Variants in TIAM1 observed in about 807,000 individuals in gnomAD.
The protein encoded by TIAM1 is TIAM Rac1 associated GEF 1, also known as rho guanine nucleotide exchange factor TIAM1.
Under a neutral mutation model 163.5 loss-of-function variants are expected in TIAM1, and 65 were observed. That is an observed-to-expected ratio of 0.40 (90% CI 0.33 to 0.49). TIAM1 has a LOEUF of 0.49. TIAM1 is among the 20% of genes least tolerant of loss of function. The probability of loss-of-function intolerance (pLI) is 0.77; values close to 1 mark genes in which losing one functional copy is unlikely to be tolerated. For synonymous variants in TIAM1, 833 were observed against 810.1 expected, an observed-to-expected ratio of 1.03 and a Z score of -0.48; for missense variants, 1,789 against 2,044.7, an observed-to-expected ratio of 0.87 and a Z score of 2.41.
At chr21:31,243,236 T>C (rs1601679136) in intron 6 of TIAM1, among the ~76,000 whole-genome samples, 2 of 144,176 alleles carry the variant, frequency 1.4e-5, no homozygotes, top group Non-Finnish European at 3.0e-5. Context: ...GTATATTTCA[T>C]ATATATGTAT....
chr21:31,351,794 G>A (rs1216895859), intron 2 of TIAM1, among the ~76,000 whole-genome samples: 2 of 150,832 alleles, frequency 1.3e-5, no homozygotes, highest in South Asian at 2.1e-4. Flanking sequence ...CTGGCAGGGC[G>A]TGGTGGCTCA....
intron 1 of TIAM1, among the ~76,000 whole-genome samples, chr21:31,544,581 T>A (rs2048427553): frequency 6.6e-6 from 1 of 151,904 alleles, no homozygotes; most frequent in Non-Finnish European, 1.5e-5. Flanking sequence ...TCAGCTGAGA[T>A]CACGCCATTG....
chr21:31,297,436 C>T (rs2074321096), intron 2 of TIAM1, among the ~76,000 whole-genome samples: 1 of 152,210 alleles, frequency 6.6e-6, no homozygotes, highest in African/African-American at 2.4e-5. Context: ...GCTCTGTCAC[C>T]CAGGCTGGAG....
chr21:31,535,380 CAAAAAAAAAAAAAA>C (rs59742048), intron 1 of TIAM1, among the ~76,000 whole-genome samples: 19 of 54,300 alleles, frequency 3.5e-4, no homozygotes, highest in East Asian at 1.4e-3. Flanking sequence ...GGCTCCATCT[CAAAAAAAAAAAAAA>C]AAAAAAAAAA....
At chr21:31,149,558 G>A (rs1041619728) in intron 19 of TIAM1, among the ~76,000 whole-genome samples, 1 of 152,066 alleles carries the variant, frequency 6.6e-6, no homozygotes, top group Non-Finnish European at 1.5e-5. Context: ...TCTCCTTTTT[G>A]TGAATCTTTT....
At chr21:31,420,757 C>A (rs1041100199) in intron 2 of TIAM1, among the ~76,000 whole-genome samples, 4 of 152,050 alleles carry the variant, frequency 2.6e-5, no homozygotes, top group Non-Finnish European at 5.9e-5. Context: ...AGGGTCTCCC[C>A]AAAAAATTCA....
intron 2 of TIAM1, among the ~76,000 whole-genome samples, chr21:31,368,966 G>T (rs575922111): frequency 6.6e-6 from 1 of 152,256 alleles, no homozygotes; most frequent in East Asian, 1.9e-4. Context: ...TAGGTCGGGC[G>T]TGGTGGCTCA....
At chr21:31,501,676 C>T (rs978720192) in intron 1 of TIAM1, among the ~76,000 whole-genome samples, 4 of 152,116 alleles carry the variant, frequency 2.6e-5, no homozygotes, top group Non-Finnish European at 5.9e-5. Context: ...GATCTCGGCT[C>T]GCTGCAACCT....
chr21:31,292,241 C>T (rs1460003649), intron 2 of TIAM1, among the ~76,000 whole-genome samples: 1 of 152,108 alleles, frequency 6.6e-6, no homozygotes, highest in African/African-American at 2.4e-5. Flanking sequence ...CATGAATATT[C>T]ATTTCTTTCT....
intron 2 of TIAM1, among the ~76,000 whole-genome samples, chr21:31,415,657 C>T (rs2043347139): frequency 1.3e-5 from 2 of 152,146 alleles, no homozygotes; most frequent in African/African-American, 2.4e-5. Context: ...ATTGTTGTGG[C>T]CTCTTCTGGT....
At chr21:31,192,327 A>C (rs2085602466) in intron 13 of TIAM1, among the ~76,000 whole-genome samples, 2 of 152,132 alleles carry the variant, frequency 1.3e-5, no homozygotes, top group African/African-American at 4.8e-5. Flanking sequence ...TAAAAAGCTT[A>C]ATAACCTGGG....
intron 1 of TIAM1, among the ~76,000 whole-genome samples, chr21:31,555,452 AGT>A (rs1168717371): frequency 3.3e-5 from 5 of 152,144 alleles, no homozygotes; most frequent in African/African-American, 1.2e-4. Context: ...CCCCAGTGAA[AGT>A]GTGTTTTTGA....
At chr21:31,407,175 C>T (rs1372368875) in intron 2 of TIAM1, among the ~76,000 whole-genome samples, 1 of 152,172 alleles carries the variant, frequency 6.6e-6, no homozygotes, top group Non-Finnish European at 1.5e-5. Flanking sequence ...AAGCCTAATG[C>T]ATGGTTTTCA....
At chr21:31,252,991 T>C (rs1237390578) in intron 4 of TIAM1, among the ~76,000 whole-genome samples, 1 of 152,182 alleles carries the variant, frequency 6.6e-6, no homozygotes, top group Non-Finnish European at 1.5e-5. Flanking sequence ...ATACTGAGGG[T>C]ATCAGTTCCC....
chr21:31,170,140 A>G (rs1282731031), intron 15 of TIAM1, among the ~76,000 whole-genome samples: 2 of 152,242 alleles, frequency 1.3e-5, no homozygotes, highest in Non-Finnish European at 2.9e-5. Context: ...TGCAAAACAA[A>G]GCCCCAGCTG....
At chr21:31,485,021 C>T (rs2046227525) in intron 1 of TIAM1, among the ~76,000 whole-genome samples, 1 of 152,180 alleles carries the variant, frequency 6.6e-6, no homozygotes, top group East Asian at 1.9e-4. Context: ...CCAAATCTGC[C>T]AGTGCCTTGA....
At chr21:31,555,622 AAGC>A (rs2048849350) in intron 1 of TIAM1, among the ~76,000 whole-genome samples, 3 of 152,112 alleles carry the variant, frequency 2.0e-5, no homozygotes, top group Admixed American at 2.0e-4. Context: ...TGCCCTCCTC[AAGC>A]AGACAGAAGC....
intron 4 of TIAM1, among the ~76,000 whole-genome samples, chr21:31,259,984 G>A (rs891346123): frequency 1.3e-5 from 2 of 151,650 alleles, no homozygotes; most frequent in African/African-American, 4.8e-5. Context: ...TGTCACCCAG[G>A]CTGGAGTGCA....
chr21:31,370,634 A>T (rs528949224), intron 2 of TIAM1, among the ~76,000 whole-genome samples: 11 of 152,292 alleles, frequency 7.2e-5, no homozygotes, highest in African/African-American at 2.6e-4. Flanking sequence ...AATTACCCAC[A>T]ATAAAAAGGT....
Sources: gnomAD v4.1 joint callset for allele counts (sites outside exome capture counted in the v4.1 genomes callset) on GRCh38, gnomAD v4.1.1 for gene constraint, MANE v1.5 for transcripts, NCBI Gene and HGNC (gene_info 2026-07-23, HGNC 2026-07-21) for gene names.